RTL1: variants seen among roughly 807,000 people sequenced by gnomAD.
RTL1 encodes the protein retrotransposon Gag like 1.
For missense variants in RTL1, 1,681 were observed against 1,767.5 expected, an observed-to-expected ratio of 0.95 and a Z score of 0.88; for synonymous variants, 727 against 748.4, an observed-to-expected ratio of 0.97 and a Z score of 0.47.
chr14:100,892,390 A>G (rs2038793302), intron 3 of RTL1, among the ~76,000 whole-genome samples: 2 of 152,208 alleles, frequency 1.3e-5, no homozygotes, highest in Non-Finnish European at 2.9e-5. Context: ...TTAGAAAGGT[A>G]GGAGCACCTC....
rs555778437 is a variant in RTL1 at position 100,883,455 on chromosome 14, T to A, written c.1334A>T (p.Glu445Val). ...CTTCTCGTAGAGCTCGACGTAGTGC[T>A]CTTGGGCGAACTTCTCATCCATGAA... The part of the protein sequence containing the change: ...GNFMDEKFAQ[E>V]HYVELYEKPY... The change falls in exon 4 of 4, where the codon GAG becomes GTG. Residue 445 changes from glutamate to valine, a missense_variant. Coordinates refer to ENST00000649591, the MANE Select transcript of RTL1 (RefSeq NM_001134888.3). This position sits in a 1 kb window ranked among gnomAD's most constrained non-coding sequence, Gnocchi z 5.9. 1 of 1,551,116 alleles carries A rather than the reference T, an allele frequency of 6.4e-7. No individual in the cohort carries two copies.
chr14:100,881,676 T>G lies in RTL1; in HGVS notation c.3113A>C (p.Gln1038Pro), dbSNP rs1427769190. ...TESGEEENEE[Q>P]DELNEQILRQ... ...TAGGATCTGTTCATTGAGCTCATCC[T>G]GTTCTTCATTCTCTTCTTCCCCGGA... is the stretch of plus-strand genomic sequence containing the variant. The change falls in exon 4 of 4, where the codon CAG becomes CCG. Residue 1038 changes from glutamine to proline, a missense_variant. By Grantham distance (76) the Gln-to-Pro change is moderately conservative. Transcript: ENST00000649591. The surrounding 1 kb of genome is among the most constrained non-coding windows in gnomAD (Gnocchi z 6.6). 1.3e-6 allele frequency: 2 copies of G among 1,554,978 alleles called. No individual in the cohort carries two copies. The highest frequency in any genetic ancestry group is 1.4e-5 in the African/African-American group (1 of 73,152).
chr14:100,881,628 A>G lies in RTL1; in HGVS notation c.3161T>C (p.Ile1054Thr), dbSNP rs1036263834. Residue 1054 changes from isoleucine (I) to threonine (T), a missense_variant, in exon 4 of 4, where the codon ATA becomes ACA. Coordinates refer to ENST00000649591, the MANE Select transcript of RTL1 (RefSeq NM_001134888.3). This position sits in a 1 kb window ranked among gnomAD's most constrained non-coding sequence, Gnocchi z 6.6. ...GCTGTTGAGGATCTGGTCGATGGGT[A>G]TCATGGCCAGCAGCTCTTGCCGTAG... Reference protein sequence around the residue: ...QILRQELLAMIPIDQILNSFL... With the variant: ...QILRQELLAMTPIDQILNSFL... The G allele has an allele frequency of 2.6e-5, 40 of 1,551,716 alleles. No individual in the cohort carries two copies. Among genetic ancestry groups the G allele is most frequent in the Non-Finnish European group, 3.4e-5 (39 of 1,147,058 alleles).
chr14:100,895,892 G>A (rs943659805), intron 2 of RTL1, among the ~76,000 whole-genome samples: 1 of 152,090 alleles, frequency 6.6e-6, no homozygotes, highest in African/African-American at 2.4e-5. Flanking sequence ...GGCCAACATG[G>A]TGAAACCCCG....
Position 100,881,003 on chromosome 14 carries a change from G to GTTGTCCTGC in RTL1, c.3777_3785dup (p.Lys1259_Asp1261dup), listed in dbSNP as rs1185438660. The GTTGTCCTGC allele has an allele frequency of 1.3e-6, 2 of 1,574,742 alleles. No individual in the cohort carries two copies. Among genetic ancestry groups the GTTGTCCTGC allele is most frequent in the African/African-American group, 1.4e-5 (1 of 73,944 alleles). ...GGCTGGGTGGGGCCTCCTGCACGTC[G>GTTGTCCTGC]TTGTCCTGCTTGTCCTGCGAGGTGT... On this transcript the variant is annotated inframe_insertion, in exon 4 of 4. Coordinates refer to ENST00000649591, the MANE Select transcript of RTL1 (RefSeq NM_001134888.3). The surrounding 1 kb of genome is among the most constrained non-coding windows in gnomAD (Gnocchi z 6.6).
At position 100,881,710 on chromosome 14, in the gene RTL1, A is replaced by G; in HGVS notation, c.3079T>C (p.Ser1027Pro). ...TTCTCTTCTTCCCCGGATTCCGTCG[A>G]TGGATCCCTGGGGAATCCCCTTGAG... ...LASRGFPRDP[S>P]TESGEEENEE... Residue 1027 changes from serine to proline, a missense_variant, in exon 4 of 4, where the codon TCG (serine) becomes CCG (proline). Ser to Pro is a moderately conservative substitution (Grantham distance 74). Transcript: ENST00000649591. This position sits in a 1 kb window ranked among gnomAD's most constrained non-coding sequence, Gnocchi z 6.6. 6.3e-7 allele frequency: 1 copy of G among 1,588,256 alleles called. No homozygotes were observed. The highest frequency in any genetic ancestry group is 1.1e-5 in the South Asian group (1 of 88,712).
Position 100,882,647 on chromosome 14 carries a change from G to T in RTL1, c.2142C>A (p.Asn714Lys), listed in dbSNP as rs777359283. ...ALSPDPIIPQ[N>K]VIHFILKDML... ...TGTCCTTTAGGATGAAGTGAATCAC[G>T]TTCTGAGGTATGATAGGGTCTGGGG... is the stretch of plus-strand genomic sequence containing the variant. The change falls in exon 4 of 4, where the codon AAC becomes AAA. Residue 714 changes from asparagine to lysine, a missense_variant. By Grantham distance (94) the Asn-to-Lys change is moderately conservative. Coordinates refer to ENST00000649591, the MANE Select transcript of RTL1 (RefSeq NM_001134888.3). 55 of 1,551,820 alleles carry T rather than the reference G, an allele frequency of 3.5e-5. No homozygotes were observed. In the South Asian group the frequency reaches 6.1e-4, roughly 17 times the overall value.
chr14:100,882,409 T>C lies in RTL1; in HGVS notation c.2380A>G (p.Met794Val), dbSNP rs2038630423. 1 of 1,551,994 alleles carries C rather than the reference T, an allele frequency of 6.4e-7. No homozygotes were observed. The highest frequency in any genetic ancestry group is 1.4e-5 in the African/African-American group (1 of 73,164). Residue 794 changes from methionine (M) to valine (V), a missense_variant, in exon 4 of 4, where the codon ATG becomes GTG. Transcript: ENST00000649591. Reference sequence around the variant, plus strand: ...GTAGGGTACCCTGTTATGATGGTCATGACGTTCTTGTTCAGTTTCACCCCT... The same window carrying C: ...GTAGGGTACCCTGTTATGATGGTCACGACGTTCTTGTTCAGTTTCACCCCT... ...PKGVKLNKNV[M>V]TIITGYPTPG... is the part of the protein sequence containing the mutation.
intron 2 of RTL1, among the ~76,000 whole-genome samples, chr14:100,895,592 G>A (rs1276618426): frequency 2.0e-5 from 3 of 152,100 alleles, no homozygotes; most frequent in Admixed American, 6.5e-5. Context: ...GGGTCGGGGT[G>A]GAGGGGAAGG....
At chr14:100,886,977 C>T (rs1037193111) in intron 3 of RTL1, among the ~76,000 whole-genome samples, 1 of 152,186 alleles carries the variant, frequency 6.6e-6, no homozygotes, top group African/African-American at 2.4e-5. Context: ...AATCTAATAT[C>T]CTCGGCATGT....
At chr14:100,900,098 T>C (rs1041019619) in intron 2 of RTL1, among the ~76,000 whole-genome samples, 7 of 152,392 alleles carry the variant, frequency 4.6e-5, no homozygotes, top group East Asian at 3.9e-4. Flanking sequence ...TTTATTTTTA[T>C]GTAAATAACA....
At chr14:100,894,200 C>T (rs1279455401) in intron 2 of RTL1, among the ~76,000 whole-genome samples, 1 of 150,368 alleles carries the variant, frequency 6.7e-6, no homozygotes, top group Non-Finnish European at 1.5e-5. Context: ...ATCCCAGCTA[C>T]TTGGGAGGCT....
chr14:100,886,728 T>G (rs61993340), intron 3 of RTL1, among the ~76,000 whole-genome samples: 2 of 152,240 alleles, frequency 1.3e-5, no homozygotes, highest in African/African-American at 4.8e-5. Flanking sequence ...TACAAATAAA[T>G]AATTCTAATT....
intron 2 of RTL1, among the ~76,000 whole-genome samples, chr14:100,902,044 AG>A (rs1773477003): frequency 6.6e-6 from 1 of 152,202 alleles, no homozygotes; most frequent in African/African-American, 2.4e-5. Context: ...CAGCCTGGGC[AG>A]GAAACCGTGC....
rs1006848748 is a variant in RTL1 at position 100,893,629 on chromosome 14, G to A, written c.-148-124C>T. ...CAGTCTTCCAGCCTGCTCTGCTCGC[G>A]TGCCTTTCTGTTGTGAGCTTTTTTC... On this transcript the variant is annotated intron_variant, in intron 2 of 3. Transcript: ENST00000649591. This position sits in a 1 kb window ranked among gnomAD's most constrained non-coding sequence, Gnocchi z 4.2. Among the ~76,000 whole-genome samples, 4 of 152,224 alleles carry A rather than the reference G, an allele frequency of 2.6e-5. No homozygotes were observed. The highest frequency in any genetic ancestry group is 2.1e-4 in the South Asian group (1 of 4,834).
chr14:100,899,125 G>C (rs1368191561), intron 2 of RTL1: 10 of 152,288 alleles, frequency 6.6e-5, no homozygotes, highest in Non-Finnish European at 1.5e-4. Context: ...CACCCTTCTG[G>C]GTGGGGCTCA....
intron 3 of RTL1, among the ~76,000 whole-genome samples, chr14:100,890,305 G>GT (rs1395138513): frequency 1.3e-5 from 2 of 151,718 alleles, no homozygotes; most frequent in Non-Finnish European, 2.9e-5. Context: ...AGGGTTGGGT[G>GT]TGGGGGGGGC....
rs1235667822 is a variant in RTL1 at position 100,880,678 on chromosome 14, G to C, written c.*34C>G. ...TCGGGAGGTGTTGGGGTGAGAAATA[G>C]AGGGGACTCTTTGCTGGAGACAGGG... On this transcript the variant is annotated 3_prime_UTR_variant, in exon 4 of 4. Transcript: ENST00000649591. 1 of 1,549,010 alleles carries C rather than the reference G, an allele frequency of 6.5e-7. No homozygotes were observed. Among genetic ancestry groups the C allele is most frequent in the East Asian group, 2.4e-5 (1 of 40,918 alleles).
Position 100,880,714 on chromosome 14 carries a change from AGTCGAG to A in RTL1, c.4069_4074del (p.Leu1357_Asp1358del). On this transcript the variant is annotated inframe_deletion, in exon 4 of 4. Coordinates refer to ENST00000649591, the MANE Select transcript of RTL1 (RefSeq NM_001134888.3). ...TTGCTGGAGACAGGGAGGCGTCTTCAGTCGAGGTTAGCATCTTCGTCCTCATCAGGC... is the reference window on the plus strand; with the variant it reads ...TTGCTGGAGACAGGGAGGCGTCTTCAGTTAGCATCTTCGTCCTCATCAGGC... The A allele has an allele frequency of 6.4e-7, 1 of 1,550,856 alleles. No homozygotes were observed. The highest frequency in any genetic ancestry group is 8.7e-7 in the Non-Finnish European group (1 of 1,146,946).
Sources: allele counts gnomAD v4.1 joint callset (sites outside exome capture counted in the v4.1 genomes callset), GRCh38; gene constraint gnomAD v4.1.1; non-coding constraint Gnocchi (gnomAD v3.1); transcripts MANE v1.5; gene names NCBI Gene and HGNC (gene_info 2026-07-23, HGNC 2026-07-21).